Variants in TAF3 observed in about 807,000 individuals in gnomAD.
TAF3 encodes transcription initiation factor TFIID subunit 3.
Under a neutral mutation model 80.6 loss-of-function variants are expected in TAF3, and 7 were observed. The observed-to-expected ratio is 0.09, with a 90% CI of 0.05 to 0.16. The LOEUF is 0.16. Among genes scored for constraint, TAF3 ranks in the 10% least tolerant of loss-of-function variants. The pLI is 1.00. For synonymous variants in TAF3, 444 were observed against 446.1 expected (o/e 1.00, Z 0.06); for missense variants, 921 against 1,140.2 (o/e 0.81, Z 2.77).
chr10:7,911,896 T>C (rs1425983130), intron 2 of TAF3, among the ~76,000 whole-genome samples: 1 of 152,210 alleles, frequency 6.6e-6, no homozygotes, highest in East Asian at 1.9e-4. Flanking sequence ...CCTAGCTTGC[T>C]TTACTCGTTC....
intron 2 of TAF3, among the ~76,000 whole-genome samples, chr10:7,962,779 C>T (rs980073314): frequency 1.3e-5 from 2 of 152,222 alleles, no homozygotes; most frequent in South Asian, 2.1e-4. Context: ...GCACTGATCA[C>T]TTTCTGTGGG....
At chr10:7,974,212 G>A (rs528721409) in intron 3 of TAF3, among the ~76,000 whole-genome samples, 8 of 151,868 alleles carry the variant, frequency 5.3e-5, no homozygotes, top group Admixed American at 5.2e-4. Flanking sequence ...AGTTATGCAA[G>A]GGTCTTGCTC....
Position 8,014,768 on chromosome 10 carries a change from G to T in TAF3, c.*17G>T. On this transcript the variant is annotated 3_prime_UTR_variant, in exon 7 of 7. Transcript: ENST00000344293. ...GCCCACTGACGACTCCCGAGGGGCT[G>T]GACCAAGCGGGGTCAGCCCGGGCTT... The T allele has an allele frequency of 6.4e-7, 1 of 1,565,938 alleles. No individual in the cohort carries two copies. Among genetic ancestry groups the T allele is most frequent in the South Asian group, 1.2e-5 (1 of 85,166 alleles).
intron 4 of TAF3, among the ~76,000 whole-genome samples, chr10:7,980,405 A>AG (rs1164156833): frequency 6.6e-6 from 1 of 152,194 alleles, no homozygotes; most frequent in East Asian, 1.9e-4. Flanking sequence ...TGTTCCTTGA[A>AG]GCAAGACAGG....
intron 2 of TAF3, among the ~76,000 whole-genome samples, chr10:7,935,600 A>AAAGC (rs1425395664): frequency 1.3e-5 from 2 of 152,050 alleles, no homozygotes; most frequent in Non-Finnish European, 2.9e-5. Flanking sequence ...ATAAATAAAT[A>AAAGC]AAGCAAGCAA....
chr10:7,824,674 T>A, intron 2 of TAF3, 114 bp downstream of exon 2: 2 of 1,289,130 alleles, frequency 1.6e-6, no homozygotes, highest in Non-Finnish European at 2.1e-6. Flanking sequence ...TAGAAACATT[T>A]ACTGTTACTT....
intron 2 of TAF3, among the ~76,000 whole-genome samples, chr10:7,932,145 T>C (rs1283384519): frequency 6.6e-6 from 1 of 152,224 alleles, no homozygotes; most frequent in East Asian, 1.9e-4. Flanking sequence ...GGGAGTATAG[T>C]CACTGTTTTA....
intron 2 of TAF3, among the ~76,000 whole-genome samples, chr10:7,923,653 A>G (rs1837787802): frequency 1.3e-5 from 2 of 151,800 alleles, no homozygotes; most frequent in South Asian, 4.1e-4. Flanking sequence ...TCCTGTATTC[A>G]ATAGAGTAGC....
At chr10:8,012,594 G>C (rs1832065655) in intron 5 of TAF3, among the ~76,000 whole-genome samples, 3 of 152,322 alleles carry the variant, frequency 2.0e-5, no homozygotes, top group South Asian at 2.1e-4. Context: ...TTGGCCTCTA[G>C]ACAGCAGGTA....
intron 2 of TAF3, among the ~76,000 whole-genome samples, chr10:7,904,720 G>C (rs575690089): frequency 6.6e-6 from 1 of 152,162 alleles, no homozygotes; most frequent in East Asian, 1.9e-4. Context: ...TGTGCACAGC[G>C]TTGGCTTTCA....
chr10:7,851,667 G>A (rs930183401), intron 2 of TAF3, among the ~76,000 whole-genome samples: 8 of 152,036 alleles, frequency 5.3e-5, no homozygotes, highest in Admixed American at 2.6e-4. Context: ...TTGATGAAAA[G>A]CCCTGATGAC....
At chr10:7,884,536 G>A (rs1156888466) in intron 2 of TAF3, among the ~76,000 whole-genome samples, 1 of 151,980 alleles carries the variant, frequency 6.6e-6, no homozygotes, top group African/African-American at 2.4e-5. Flanking sequence ...ATAGGCGCCC[G>A]CCACCATGCC....
Position 7,964,326 on chromosome 10 carries a change from A to G in TAF3, c.816A>G (p.Thr272=), listed in dbSNP as rs751891189. The G allele has an allele frequency of 6.2e-7, 1 of 1,614,188 alleles. No homozygotes were observed. The highest frequency in any genetic ancestry group is 8.5e-7 in the Non-Finnish European group (1 of 1,180,030). Residue 272 remains threonine (T), a synonymous_variant, in exon 3 of 7, where the codon ACA becomes ACG. Coordinates refer to ENST00000344293, the MANE Select transcript of TAF3 (RefSeq NM_031923.4). The surrounding 1 kb of genome is among the most constrained non-coding windows in gnomAD (Gnocchi z 4.1). ...AAACAAAGTCATTTACACCTAAAAC[A>G]AAGACTAAAACTAGCTCTCCAGGAC... is the stretch of plus-strand genomic sequence containing the variant. ...PLETKSFTPK[T]KTKTSSPGQK... is the part of the protein sequence containing the mutation.
intron 4 of TAF3, among the ~76,000 whole-genome samples, chr10:7,995,298 T>C (rs2131431001): frequency 6.6e-6 from 1 of 152,288 alleles, no homozygotes; most frequent in African/African-American, 2.4e-5. Flanking sequence ...CATAAGGAAT[T>C]TTTCTAAAAC....
intron 1 of TAF3, among the ~76,000 whole-genome samples, chr10:7,819,764 C>G (rs1836671426): frequency 1.3e-5 from 2 of 152,106 alleles, no homozygotes; most frequent in African/African-American, 4.8e-5. Flanking sequence ...AGGTGGTGAG[C>G]TGGAGAACTG....
At chr10:7,931,746 A>G (rs983303536) in intron 2 of TAF3, among the ~76,000 whole-genome samples, 1 of 152,218 alleles carries the variant, frequency 6.6e-6, no homozygotes, top group African/African-American at 2.4e-5. Flanking sequence ...AAGTATTAAT[A>G]CTGAGTGCTT....
At chr10:7,944,320 A>G (rs1302043931) in intron 2 of TAF3, among the ~76,000 whole-genome samples, 1 of 152,186 alleles carries the variant, frequency 6.6e-6, no homozygotes, top group East Asian at 1.9e-4. Flanking sequence ...TTCTGTCTAA[A>G]TTATGCAGAA....
chr10:7,901,890 T>G (rs1168735540), intron 2 of TAF3, among the ~76,000 whole-genome samples: 1 of 152,228 alleles, frequency 6.6e-6, no homozygotes, highest in African/African-American at 2.4e-5. Context: ...TCCTATGTTT[T>G]GGAAGGTATA....
chr10:7,900,930 C>G (rs1176659938), intron 2 of TAF3, among the ~76,000 whole-genome samples: 1 of 45,360 alleles, frequency 2.2e-5, no homozygotes, highest in Non-Finnish European at 5.1e-5. Context: ...CCATATTAAT[C>G]TTTTAAATTA....
Sources: allele counts gnomAD v4.1 joint callset (sites outside exome capture counted in the v4.1 genomes callset), GRCh38; gene constraint gnomAD v4.1.1; non-coding constraint Gnocchi (gnomAD v3.1); transcripts MANE v1.5; gene names NCBI Gene and HGNC (gene_info 2026-07-23, HGNC 2026-07-21).